Variants in GCFC2 observed in about 807,000 individuals in gnomAD.
GCFC2 encodes GC-rich sequence DNA-binding factor 2.
A neutral mutation model predicts 99.4 loss-of-function variants in GCFC2; 102 were observed. The observed-to-expected ratio is 1.03, with a 90% CI of 0.87 to 1.21. The LOEUF (loss-of-function observed/expected upper bound fraction) is 1.21, where lower values mean the gene tolerates loss of function less well. Ranked by LOEUF, GCFC2 falls within the 50% of genes most tolerant of loss-of-function variation. GCFC2 has a pLI of 0.00. For synonymous variants in GCFC2, 338 were observed against 316.8 expected (o/e 1.07, Z -0.71); for missense variants, 973 against 920.9 (o/e 1.06, Z -0.73).
At chr2:75,696,514 C>A (rs1014764545) in intron 4 of GCFC2, among the ~76,000 whole-genome samples, 199 bp from the exon 5 acceptor site, 4 of 152,076 alleles carry the variant, frequency 2.6e-5, no homozygotes, top group African/African-American at 9.7e-5. Context: ...ATTTAAGAAG[C>A]AAATTCTAAA....
At chr2:75,675,347 G>A (rs773467874) in intron 12 of GCFC2, among the ~76,000 whole-genome samples, 2 of 151,962 alleles carry the variant, frequency 1.3e-5, no homozygotes, top group Non-Finnish European at 2.9e-5. Context: ...AAATATTAAT[G>A]ACAAGTAAAT....
At chr2:75,666,757 A>C (rs1678854925) in intron 15 of GCFC2, among the ~76,000 whole-genome samples, 1 of 152,106 alleles carries the variant, frequency 6.6e-6, no homozygotes, top group South Asian at 2.1e-4. Context: ...AGGGTAAAGA[A>C]GGGAGGGAAA....
chr2:75,680,133 TA>T, intron 12 of GCFC2, 59 bp downstream of exon 12: 1 of 1,242,362 alleles, frequency 8.0e-7, no homozygotes, highest in South Asian at 1.4e-5. Flanking sequence ...CCAAGATCTG[TA>T]AGAAAATTAT....
intron 12 of GCFC2, among the ~76,000 whole-genome samples, chr2:75,674,038 A>C (rs1309787429): frequency 1.3e-5 from 2 of 152,080 alleles, no homozygotes; most frequent in Non-Finnish European, 2.9e-5. Flanking sequence ...GTTTGCAATT[A>C]TAGTGGGTAT....
At chr2:75,696,949 T>G (rs1347662057) in intron 4 of GCFC2, among the ~76,000 whole-genome samples, 1 of 151,938 alleles carries the variant, frequency 6.6e-6, no homozygotes, top group African/African-American at 2.4e-5. Context: ...CCATGCCTGG[T>G]GAATTTTTTT....
At chr2:75,669,924 C>G (rs1306316852) in intron 15 of GCFC2, 2 of 328,672 alleles carry the variant, frequency 6.1e-6, no homozygotes, top group Non-Finnish European at 1.2e-5. Flanking sequence ...GGAGTTTCAC[C>G]ATGTTGGTGA....
chr2:75,684,276 A>C (rs185510493), intron 11 of GCFC2, among the ~76,000 whole-genome samples: 2 of 152,332 alleles, frequency 1.3e-5, no homozygotes, highest in East Asian at 3.9e-4. Flanking sequence ...CATAACAAAC[A>C]GTCTCTCAGA....
upstream of GCFC2, chr2:75,711,098 G>A (rs1218869687): frequency 2.1e-5 from 27 of 1,289,480 alleles, no homozygotes; most frequent in Non-Finnish European, 2.4e-5. Context: ...GTTAGGTTGC[G>A]TGGACTGACA....
chr2:75,710,045 T>C (rs1360387667), intron 1 of GCFC2, among the ~76,000 whole-genome samples: 1 of 152,224 alleles, frequency 6.6e-6, no homozygotes, highest in Non-Finnish European at 1.5e-5. Flanking sequence ...CCATCTACAG[T>C]GTCATGAATC....
At chr2:75,701,351 A>G in intron 3 of GCFC2, 64 bp from the exon 4 acceptor site, 1 of 892,016 alleles carries the variant, frequency 1.1e-6, no homozygotes, top group Admixed American at 2.0e-5. Context: ...CAGCAAGCCA[A>G]CATTTTTTGA....
intron 16 of GCFC2, 130 bp downstream of exon 16, chr2:75,665,799 T>C (rs1187207750): frequency 1.5e-5 from 8 of 516,620 alleles, no homozygotes; most frequent in African/African-American, 1.2e-4. Context: ...CATAAAAATA[T>C]CTACTAACTC....
chr2:75,675,437 T>C (rs1409030841), intron 12 of GCFC2, among the ~76,000 whole-genome samples: 1 of 152,108 alleles, frequency 6.6e-6, no homozygotes, highest in Non-Finnish European at 1.5e-5. Flanking sequence ...AAATAAATTG[T>C]TTAAAACAAA....
chr2:75,668,167 C>A (rs1259175773), intron 15 of GCFC2, among the ~76,000 whole-genome samples: 10 of 152,160 alleles, frequency 6.6e-5, no homozygotes, highest in Non-Finnish European at 1.2e-4. Context: ...AGCATTCTTA[C>A]ACATACTCTT....
At chr2:75,711,134 G>A (rs1034953058), upstream of GCFC2, 17 of 1,243,504 alleles carry the variant, frequency 1.4e-5, no homozygotes, top group African/African-American at 1.6e-5. Context: ...CGGCCTATCC[G>A]GTCTGAGTCC....
At chr2:75,696,348 A>G (rs1466026349) in intron 4 of GCFC2, 33 bp from the exon 5 acceptor site, 1 of 881,086 alleles carries the variant, frequency 1.1e-6, no homozygotes, top group Non-Finnish European at 1.9e-6. Flanking sequence ...TTACAAAACC[A>G]TTTATTTCAT....
Position 75,690,073 on chromosome 2 carries a change from C to T in GCFC2, c.1235G>A (p.Arg412Lys). 2 of 1,592,822 alleles carry T rather than the reference C, an allele frequency of 1.3e-6. No homozygotes were observed. The highest frequency in any genetic ancestry group is 1.7e-6 in the Non-Finnish European group (2 of 1,164,396). ...LEEIESRRTK[R>K]RQARVLSGNC... ...CCCAGAAAGCACCCTTGCTTGTCTT[C>T]TTTTTGTCCTATATTTTGCAACAAA... The change falls in exon 9 of 17, where the codon AGA (arginine) becomes AAA (lysine). Residue 412 changes from arginine to lysine, a missense_variant. Transcript: ENST00000321027.
At chr2:75,704,123 G>C (rs1442142784) in intron 2 of GCFC2, among the ~76,000 whole-genome samples, 1 of 152,150 alleles carries the variant, frequency 6.6e-6, no homozygotes, top group Non-Finnish European at 1.5e-5. Flanking sequence ...GACATAGGAG[G>C]AATCAATAAT....
At chr2:75,690,856 T>A in intron 7 of GCFC2, 137 bp from the exon 8 acceptor site, 1 of 560,274 alleles carries the variant, frequency 1.8e-6, no homozygotes, top group Non-Finnish European at 3.1e-6. Context: ...ATTTTGCAAT[T>A]AATTATGCAA....
rs1678744121 is a variant in GCFC2 at position 75,664,607 on chromosome 2, C to T, written c.*59G>A. The T allele has an allele frequency of 4.3e-5, 33 of 773,156 alleles. 1 individual carries two copies. In the South Asian group the frequency reaches 4.9e-4, roughly 11 times the overall value. 47.9% of individuals were successfully genotyped at this position (773,156 alleles called of 1,614,324 possible). A position where few individuals can be genotyped will look rare whatever the true frequency, so the allele number is the denominator to read the frequency against. On this transcript the variant is annotated 3_prime_UTR_variant, in exon 17 of 17. Transcript: ENST00000321027. ...GAAGAGAGAGGCACCAGCTTCTTCT[C>T]AAACAAAGGAACTGAGTGTAACTAT...
Sources: allele counts gnomAD v4.1 joint callset (sites outside exome capture counted in the v4.1 genomes callset), GRCh38; gene constraint gnomAD v4.1.1; transcripts MANE v1.5; gene names NCBI Gene and HGNC (gene_info 2026-07-23, HGNC 2026-07-21).